BICC1: variants seen among roughly 807,000 people sequenced by gnomAD.
The protein encoded by BICC1 is protein bicaudal C homolog 1.
BICC1 carries 43 observed loss-of-function variants against 111.0 expected under a neutral mutation model. The observed-to-expected ratio is 0.39, with a 90% CI of 0.30 to 0.50. The LOEUF is 0.50. Among genes scored for constraint, BICC1 ranks in the 20% least tolerant of loss-of-function variants. The pLI is 0.88. For missense variants in BICC1, 1,091 were observed against 1,203.2 expected, an observed-to-expected ratio of 0.91 and a Z score of 1.38; for synonymous variants, 467 against 434.4, an observed-to-expected ratio of 1.07 and a Z score of -0.93.
chr10:58,639,581 T>G (rs1588959638), intron 2 of BICC1, among the ~76,000 whole-genome samples: 4 of 147,650 alleles, frequency 2.7e-5, no homozygotes, highest in African/African-American at 1.0e-4. Flanking sequence ...TTTTTTTTTT[T>G]TTTTTTTGTA....
intron 1 of BICC1, among the ~76,000 whole-genome samples, chr10:58,618,339 A>G (rs557410644): frequency 2.6e-5 from 4 of 152,320 alleles, no homozygotes; most frequent in South Asian, 4.1e-4. Context: ...CATGTACACA[A>G]TTCCACTCCT....
At chr10:58,599,388 A>G (rs1397843366) in intron 1 of BICC1, among the ~76,000 whole-genome samples, 4 of 152,114 alleles carry the variant, frequency 2.6e-5, no homozygotes, top group Non-Finnish European at 5.9e-5. Flanking sequence ...TTCTCAACAA[A>G]CTATCACAAG....
chr10:58,665,211 C>G (rs369168015), intron 2 of BICC1, among the ~76,000 whole-genome samples: 46 of 152,156 alleles, frequency 3.0e-4, no homozygotes, highest in African/African-American at 9.9e-4. Flanking sequence ...AAGGGGCATT[C>G]TCAGTGTTCC....
At chr10:58,688,322 G>A (rs1315331727) in intron 2 of BICC1, among the ~76,000 whole-genome samples, 2 of 152,092 alleles carry the variant, frequency 1.3e-5, no homozygotes, top group Non-Finnish European at 2.9e-5. Context: ...GTGCTGATTG[G>A]TGCATTTACA....
rs141278493 is a variant in BICC1, at chr10:58,649,694, C to A, written c.237+28793C>A. On this transcript the variant is annotated intron_variant, in intron 2 of 20. Transcript: ENST00000373886. ...GGAGATATTTGCTTTTTCTTTGATC[C>A]CTTTTTCCTCTGAATAGCTAATCTC... is the stretch of plus-strand genomic sequence containing the variant. Among the ~76,000 whole-genome samples, 10 of 152,268 alleles carry A rather than the reference C, an allele frequency of 6.6e-5. No individual in the cohort carries two copies. The East Asian group carries it at 1.7e-3, about 26-fold the overall frequency.
intron 10 of BICC1, among the ~76,000 whole-genome samples, 178 bp downstream of exon 10, chr10:58,796,704 G>T (rs772066315): frequency 1.3e-5 from 2 of 151,800 alleles, no homozygotes; most frequent in Non-Finnish European, 1.5e-5. Flanking sequence ...TAGTCTCTGT[G>T]GATTTGTTAC....
intron 3 of BICC1, among the ~76,000 whole-genome samples, chr10:58,719,425 G>A (rs980727694): frequency 2.6e-5 from 4 of 152,156 alleles, no homozygotes; most frequent in South Asian, 2.1e-4. Context: ...TTCCTGGAAA[G>A]CTTCACACAC....
At chr10:58,795,402 A>C (rs972249935) in intron 9 of BICC1, among the ~76,000 whole-genome samples, 15 of 152,194 alleles carry the variant, frequency 9.9e-5, no homozygotes, top group Admixed American at 3.3e-4. Flanking sequence ...TGTGTGACTA[A>C]TTTGAGTTGA....
At chr10:58,748,479 A>G (rs993309841) in intron 3 of BICC1, among the ~76,000 whole-genome samples, 1 of 152,036 alleles carries the variant, frequency 6.6e-6, no homozygotes, top group African/African-American at 2.4e-5. Context: ...GGTGGGGAGA[A>G]TGAAAATACC....
chr10:58,812,493 T>G (rs972232783), intron 17 of BICC1, among the ~76,000 whole-genome samples: 1 of 151,712 alleles, frequency 6.6e-6, no homozygotes, highest in African/African-American at 2.4e-5. Flanking sequence ...TTTTTTTTTT[T>G]TTTGAGACAG....
chr10:58,655,914 T>C (rs1838628843), intron 2 of BICC1, among the ~76,000 whole-genome samples: 1 of 152,060 alleles, frequency 6.6e-6, no homozygotes, highest in Admixed American at 6.6e-5. Context: ...AAGGAGCTGG[T>C]TTTTTGAAAG....
intron 3 of BICC1, among the ~76,000 whole-genome samples, chr10:58,779,043 C>T (rs1415973051): frequency 1.3e-5 from 2 of 151,874 alleles, no homozygotes; most frequent in African/African-American, 4.8e-5. Flanking sequence ...GTATTTTCAC[C>T]GTAAAAAAAA....
intron 3 of BICC1, among the ~76,000 whole-genome samples, chr10:58,723,182 A>C (rs1189615233): frequency 6.6e-6 from 1 of 152,212 alleles, no homozygotes; most frequent in Non-Finnish European, 1.5e-5. Flanking sequence ...TAATTTGAAC[A>C]TATTTTCCTG....
chr10:58,557,297 T>C (rs1589095376), intron 1 of BICC1, among the ~76,000 whole-genome samples: 1 of 152,122 alleles, frequency 6.6e-6, no homozygotes, highest in African/African-American at 2.4e-5. Context: ...GTTTTAAAGA[T>C]TGTCTTTAAC....
intron 2 of BICC1, among the ~76,000 whole-genome samples, chr10:58,678,774 A>G (rs1354154277): frequency 6.6e-6 from 1 of 152,214 alleles, no homozygotes; most frequent in Non-Finnish European, 1.5e-5. Flanking sequence ...AAAACTGACC[A>G]CATAATTGGA....
intron 8 of BICC1, 39 bp downstream of exon 8, chr10:58,789,972 C>G (rs199857978): frequency 6.2e-7 from 1 of 1,604,242 alleles, no homozygotes; most frequent in African/African-American, 1.3e-5. Flanking sequence ...TTTTTTAAAC[C>G]TCTTTGGATT....
intron 1 of BICC1, among the ~76,000 whole-genome samples, chr10:58,588,191 G>T (rs576058113): frequency 6.6e-6 from 1 of 152,250 alleles, no homozygotes; most frequent in East Asian, 1.9e-4. Context: ...ATTTATTCAT[G>T]ACCCCTGCCC....
At chr10:58,607,341 T>TAAATAAATAAATAAATAAAGAAAG (rs879657768) in intron 1 of BICC1, among the ~76,000 whole-genome samples, 2 of 151,710 alleles carry the variant, frequency 1.3e-5, no homozygotes, top group Non-Finnish European at 2.9e-5. Context: ...AATAAATAAA[T>TAAATAAATAAATAAATAAAGAAAG]AAAACTGTCA....
At chr10:58,644,364 C>G (rs1417500214) in intron 2 of BICC1, among the ~76,000 whole-genome samples, 1 of 152,128 alleles carries the variant, frequency 6.6e-6, no homozygotes, top group African/African-American at 2.4e-5. Context: ...GTGCCTGGCC[C>G]CGATTCTTCT....
Sources: gnomAD v4.1 joint callset for allele counts (sites outside exome capture counted in the v4.1 genomes callset) on GRCh38, gnomAD v4.1.1 for gene constraint, MANE v1.5 for transcripts, NCBI Gene and HGNC (gene_info 2026-07-23, HGNC 2026-07-21) for gene names.